The following DSCAML1 variants were observed in gnomAD, a reference collection of about 807,000 sequenced individuals.
The protein encoded by DSCAML1 is DS cell adhesion molecule like 1, also known as cell adhesion molecule DSCAML1.
A neutral mutation model predicts 200.5 loss-of-function variants in DSCAML1; 38 were observed. The observed-to-expected ratio is 0.19, with a 90% CI of 0.15 to 0.25. The LOEUF (loss-of-function observed/expected upper bound fraction) is 0.25. Among genes scored for constraint, DSCAML1 ranks in the 10% least tolerant of loss-of-function variants. The pLI, the probability that DSCAML1 is intolerant of heterozygous loss-of-function variation, is 1.00. For synonymous variants in DSCAML1, 1,215 were observed against 1,165.0 expected (o/e 1.04, Z -0.87); for missense variants, 2,223 against 2,858.8 (o/e 0.78, Z 5.07).
In DSCAML1 at chr11:117,437,053, A is replaced by C. The variant is rs1290395963; in HGVS notation, c.4720+69T>G. ...TAGTCTGTCTCTTTATGTATCTGCC[A>C]CTCTGCCCACTTCCTTCGCACCACC... On this transcript the variant is annotated intron_variant, in intron 26 of 32. Transcript: ENST00000651296. The surrounding 1 kb of genome is among the most constrained non-coding windows in gnomAD (Gnocchi z 5.3). 9 of 1,541,258 alleles carry C rather than the reference A, an allele frequency of 5.8e-6. No individual in the cohort carries two copies. In the South Asian group the frequency reaches 9.8e-5, roughly 17 times the overall value.
At chr11:117,440,622 G>A (rs1180702489) in intron 21 of DSCAML1, among the ~76,000 whole-genome samples, 4 of 152,178 alleles carry the variant, frequency 2.6e-5, no homozygotes, top group Admixed American at 2.6e-4. Flanking sequence ...GTTATAAGAA[G>A]TGGTGTTGGA....
At position 117,642,337 on chromosome 11, in the gene DSCAML1, T is replaced by A. The variant is rs1037416259; in HGVS notation, c.512-109815A>T. Among the ~76,000 whole-genome samples the A allele has an allele frequency of 6.6e-6, 1 of 152,140 alleles. No individual in the cohort carries two copies. The highest frequency in any genetic ancestry group is 1.5e-5 in the Non-Finnish European group (1 of 68,022). On this transcript the variant is annotated intron_variant, in intron 3 of 32. Coordinates refer to ENST00000651296, the MANE Select transcript of DSCAML1 (RefSeq NM_020693.4). The surrounding 1 kb of genome is among the most constrained non-coding windows in gnomAD (Gnocchi z 4.1). ...TCACACCTGCCATCCTCTTTTTTTTTCTTGCTTGAGCTCTGGTCCTATGTG... is the reference window on the plus strand; with the variant it reads ...TCACACCTGCCATCCTCTTTTTTTTACTTGCTTGAGCTCTGGTCCTATGTG...
intron 3 of DSCAML1, among the ~76,000 whole-genome samples, chr11:117,737,907 A>G (rs148157242): frequency 4.1e-4 from 62 of 152,288 alleles, no homozygotes; most frequent in African/African-American, 1.4e-3. Flanking sequence ...GCGAGTGTAG[A>G]TACTTATTAC....
intron 3 of DSCAML1, among the ~76,000 whole-genome samples, chr11:117,583,788 C>T (rs576701194): frequency 1.3e-5 from 2 of 152,352 alleles, no homozygotes; most frequent in East Asian, 3.9e-4. Context: ...GAGGCTGAAT[C>T]CACGAATGTC....
At chr11:117,606,715 A>G (rs1456553461) in intron 3 of DSCAML1, among the ~76,000 whole-genome samples, 4 of 152,174 alleles carry the variant, frequency 2.6e-5, no homozygotes, top group African/African-American at 9.7e-5. Flanking sequence ...TCTCTTGGGC[A>G]GGAGATTTCA....
intron 3 of DSCAML1, among the ~76,000 whole-genome samples, chr11:117,538,388 C>T (rs1428668208): frequency 6.6e-6 from 1 of 152,194 alleles, no homozygotes; most frequent in East Asian, 1.9e-4. Flanking sequence ...TGGCTGGCTC[C>T]ATGTCATCTC....
chr11:117,811,709 TCC>T (rs2055762324), intron 1 of DSCAML1, among the ~76,000 whole-genome samples: 2 of 152,232 alleles, frequency 1.3e-5, no homozygotes, highest in African/African-American at 4.8e-5. Context: ...GGCCCAAGGC[TCC>T]CTGACTGACT....
At chr11:117,725,100 C>A (rs547342488) in intron 3 of DSCAML1, among the ~76,000 whole-genome samples, 87 of 152,334 alleles carry the variant, frequency 5.7e-4, no homozygotes, top group African/African-American at 2.1e-3. Flanking sequence ...GGATTTGCTT[C>A]CCCAAGCACT....
chr11:117,466,824 C>T (rs535016597), intron 16 of DSCAML1, among the ~76,000 whole-genome samples: 2 of 152,224 alleles, frequency 1.3e-5, no homozygotes, highest in African/African-American at 2.4e-5. Context: ...TTGAGCTGCA[C>T]GCTTAAACAT....
chr11:117,531,238 C>T (rs1031023648), intron 4 of DSCAML1, among the ~76,000 whole-genome samples: 1 of 152,002 alleles, frequency 6.6e-6, no homozygotes, highest in Non-Finnish European at 1.5e-5. Context: ...GGAAGGACAC[C>T]GAGGCCAGGG....
intron 3 of DSCAML1, among the ~76,000 whole-genome samples, chr11:117,758,656 C>A (rs1404437369): frequency 2.0e-5 from 3 of 152,112 alleles, no homozygotes; most frequent in Non-Finnish European, 2.9e-5. Context: ...CCCACCTCGG[C>A]CTCCCAAAGT....
chr11:117,813,370 G>A (rs925530886), intron 1 of DSCAML1, among the ~76,000 whole-genome samples: 5 of 152,038 alleles, frequency 3.3e-5, no homozygotes, highest in African/African-American at 4.8e-5. Context: ...CCTATTCACC[G>A]TTCTCAACTA....
At chr11:117,530,088 T>C (rs867474332) in intron 4 of DSCAML1, among the ~76,000 whole-genome samples, 3 of 152,058 alleles carry the variant, frequency 2.0e-5, no homozygotes, top group South Asian at 2.1e-4. Flanking sequence ...GGCCTCTCTC[T>C]TGTCTGTCGG....
intron 23 of DSCAML1, 53 bp from the exon 24 acceptor site, chr11:117,439,036 G>A (rs1189946932): frequency 6.6e-7 from 1 of 1,515,656 alleles, no homozygotes; most frequent in Non-Finnish European, 8.9e-7. Flanking sequence ...CTGTGATGGG[G>A]TGTGGGGAGT....
At chr11:117,445,684 T>C (rs1232770936) in intron 20 of DSCAML1, among the ~76,000 whole-genome samples, 1 of 152,224 alleles carries the variant, frequency 6.6e-6, no homozygotes, top group Non-Finnish European at 1.5e-5. Context: ...TGTGTTTCTA[T>C]GTACATGTGC....
At chr11:117,441,595 G>T (rs2048050474) in intron 21 of DSCAML1, among the ~76,000 whole-genome samples, 1 of 152,180 alleles carries the variant, frequency 6.6e-6, no homozygotes, top group Non-Finnish European at 1.5e-5. Context: ...GCCAGGCCCA[G>T]ATTTAAAGGA....
chr11:117,511,510 G>A (rs2049617124), intron 8 of DSCAML1, among the ~76,000 whole-genome samples: 1 of 152,148 alleles, frequency 6.6e-6, no homozygotes, highest in Non-Finnish European at 1.5e-5. Context: ...CCAAATCTAG[G>A]TTTGATCTGT....
intron 3 of DSCAML1, among the ~76,000 whole-genome samples, chr11:117,745,644 C>T (rs1221374418): frequency 1.3e-5 from 2 of 152,212 alleles, no homozygotes; most frequent in Non-Finnish European, 2.9e-5. Context: ...TGTCCATCCT[C>T]CTCCGGAATG....
chr11:117,698,584 T>C (rs371426202), intron 3 of DSCAML1, among the ~76,000 whole-genome samples: 25 of 152,344 alleles, frequency 1.6e-4, no homozygotes, highest in African/African-American at 5.5e-4. Flanking sequence ...CTTGTTATTA[T>C]TATTTTTTTT....
Sources: allele counts gnomAD v4.1 joint callset (sites outside exome capture counted in the v4.1 genomes callset), GRCh38; gene constraint gnomAD v4.1.1; non-coding constraint Gnocchi (gnomAD v3.1); transcripts MANE v1.5; gene names NCBI Gene and HGNC (gene_info 2026-07-23, HGNC 2026-07-21).